The following ADARB1 variants were observed in gnomAD, a reference collection of about 807,000 sequenced individuals.
The protein encoded by ADARB1 is adenosine deaminase RNA specific B1, also known as double-stranded RNA-specific editase 1.
Under a neutral mutation model 52.4 loss-of-function variants are expected in ADARB1, and 10 were observed. That is an observed-to-expected ratio of 0.19 (90% CI 0.12 to 0.32). ADARB1 has a LOEUF of 0.32. ADARB1 is among the 10% of genes least tolerant of loss of function. The pLI is 1.00. For missense variants in ADARB1, 643 were observed against 922.3 expected (o/e 0.70, Z 3.92); for synonymous variants, 349 against 371.1 (o/e 0.94, Z 0.68).
chr21:45,097,887 G>C (rs2086833354), intron 1 of ADARB1, among the ~76,000 whole-genome samples: 1 of 152,180 alleles, frequency 6.6e-6, no homozygotes, highest in Non-Finnish European at 1.5e-5. Flanking sequence ...CTGCTAGGCA[G>C]CCTCGCCCTG....
At chr21:45,139,961 GAC>G (rs1221261069) in intron 2 of ADARB1, among the ~76,000 whole-genome samples, 2 of 25,468 alleles carry the variant, frequency 7.9e-5, no homozygotes, top group African/African-American at 3.1e-4. Flanking sequence ...TTTTTTTTTT[GAC>G]ACAGAGTTTC....
intron 2 of ADARB1, among the ~76,000 whole-genome samples, chr21:45,164,043 T>A (rs1416569484): frequency 1.3e-5 from 2 of 152,168 alleles, no homozygotes; most frequent in Admixed American, 6.5e-5. Flanking sequence ...CAATAAAAAT[T>A]GCAGATTAAT....
chr21:45,108,709 G>A (rs776455844), intron 1 of ADARB1, among the ~76,000 whole-genome samples: 2 of 151,174 alleles, frequency 1.3e-5, no homozygotes, highest in Non-Finnish European at 2.9e-5. Context: ...TCCACACTTC[G>A]ACCTTTTTTC....
rs146196040 is a variant in ADARB1 at position 45,162,554 on chromosome 21, G to T, written c.-47-9056G>T. On this transcript the variant is annotated intron_variant, in intron 2 of 10. Transcript: ENST00000348831. ...CACCAGTGATGGAGGTTTCTGGCCA[G>T]AAAAATGATACCCTGAGGATCCTAT... is the stretch of plus-strand genomic sequence containing the variant. 6.0e-3 allele frequency among the ~76,000 whole-genome samples: 912 copies of T among 152,284 alleles called. 8 individuals carry two copies. The highest frequency in any genetic ancestry group is 0.014 in the Middle Eastern group (4 of 294).
At chr21:45,094,870 A>C (rs1370534206) in intron 1 of ADARB1, among the ~76,000 whole-genome samples, 1 of 152,168 alleles carries the variant, frequency 6.6e-6, no homozygotes, top group Non-Finnish European at 1.5e-5. Flanking sequence ...GAGGACCTCC[A>C]TCAGCCGAGG....
At chr21:45,100,168 A>C (rs1049624106) in intron 1 of ADARB1, among the ~76,000 whole-genome samples, 1 of 152,236 alleles carries the variant, frequency 6.6e-6, no homozygotes, top group Non-Finnish European at 1.5e-5. Flanking sequence ...AGAAATTTAA[A>C]AAGCAGCATT....
intron 1 of ADARB1, among the ~76,000 whole-genome samples, chr21:45,075,627 C>T (rs922492857): frequency 7.2e-5 from 11 of 152,178 alleles, no homozygotes; most frequent in Non-Finnish European, 1.6e-4. Flanking sequence ...AAAATTATTG[C>T]GTGGTGGATG....
intron 9 of ADARB1, among the ~76,000 whole-genome samples, chr21:45,214,058 C>T (rs930396549): frequency 5.9e-5 from 9 of 152,174 alleles, no homozygotes; most frequent in Admixed American, 1.3e-4. Context: ...GCACGCAGTA[C>T]GAGCGGTTGC....
intron 2 of ADARB1, among the ~76,000 whole-genome samples, chr21:45,149,679 AC>A (rs566090795): frequency 1.1e-4 from 16 of 152,370 alleles, no homozygotes; most frequent in Non-Finnish European, 2.1e-4. Context: ...CAGGATCAAG[AC>A]ATGATTTATC....
chr21:45,117,702 A>G (rs573268372), intron 1 of ADARB1, among the ~76,000 whole-genome samples: 2 of 152,338 alleles, frequency 1.3e-5, no homozygotes, highest in East Asian at 1.9e-4. Flanking sequence ...TGGATCAGCT[A>G]TTGATAAGGG....
chr21:45,180,589 T>A, intron 5 of ADARB1, 145 bp downstream of exon 5: 1 of 716,712 alleles, frequency 1.4e-6, no homozygotes, highest in East Asian at 2.7e-5. Context: ...ATATGCAAGT[T>A]TACGAACTGC....
intron 2 of ADARB1, among the ~76,000 whole-genome samples, 153 bp from the exon 3 acceptor site, chr21:45,171,457 G>A (rs1010227210): frequency 1.4e-4 from 22 of 152,182 alleles, no homozygotes; most frequent in African/African-American, 5.3e-4. Context: ...GTACCAGATG[G>A]CAGATCTGAC....
At chr21:45,107,796 C>T (rs1005773901) in intron 1 of ADARB1, among the ~76,000 whole-genome samples, 1 of 152,010 alleles carries the variant, frequency 6.6e-6, no homozygotes, top group African/African-American at 2.4e-5. Context: ...TTTTTAAAGG[C>T]GTAACTCAAA....
At chr21:45,136,698 G>A (rs2089403302) in intron 2 of ADARB1, among the ~76,000 whole-genome samples, 2 of 152,234 alleles carry the variant, frequency 1.3e-5, no homozygotes, top group African/African-American at 2.4e-5. Context: ...GAGCAGGGGT[G>A]TCCCCGCACC....
At chr21:45,113,987 T>C (rs1298700021) in intron 1 of ADARB1, among the ~76,000 whole-genome samples, 1 of 152,226 alleles carries the variant, frequency 6.6e-6, no homozygotes, top group Non-Finnish European at 1.5e-5. Flanking sequence ...CAGAATTCTT[T>C]TATAAATTGA....
chr21:45,191,872 ATATATATATTTTTTTTTTTTTTTT>A (rs1474469904), intron 8 of ADARB1, among the ~76,000 whole-genome samples: 13 of 22,156 alleles, frequency 5.9e-4, no homozygotes, highest in African/African-American at 2.3e-3. Context: ...ATATATATAT[ATATATATATTTTTTTTTTTTTTTT>A]TTTTTTTTTT....
At chr21:45,211,740 G>T (rs9941839) in intron 9 of ADARB1, among the ~76,000 whole-genome samples, 1 of 152,192 alleles carries the variant, frequency 6.6e-6, no homozygotes, top group African/African-American at 2.4e-5. Context: ...AGGGATTCTC[G>T]TTACCAGCCA....
chr21:45,161,150 C>A (rs933339049), intron 2 of ADARB1, among the ~76,000 whole-genome samples: 5 of 152,144 alleles, frequency 3.3e-5, no homozygotes, highest in Non-Finnish European at 1.5e-5. Context: ...GCCGTGGTGT[C>A]AGCTGCAGCG....
chr21:45,164,198 A>C (rs2091135950), intron 2 of ADARB1, among the ~76,000 whole-genome samples: 1 of 152,192 alleles, frequency 6.6e-6, no homozygotes, highest in Non-Finnish European at 1.5e-5. Context: ...TACGGCACTC[A>C]GAGGATTGGT....
Sources: allele counts gnomAD v4.1 joint callset (sites outside exome capture counted in the v4.1 genomes callset), GRCh38; gene constraint gnomAD v4.1.1; transcripts MANE v1.5; gene names NCBI Gene and HGNC (gene_info 2026-07-23, HGNC 2026-07-21).